Variants in PCDHA4 observed in about 807,000 individuals in gnomAD.
The protein encoded by PCDHA4 is protocadherin alpha-4.
PCDHA4 carries 49 observed loss-of-function variants against 61.4 expected under a neutral mutation model. The ratio of observed to expected loss-of-function variants is 0.80; its 90% CI spans 0.63 to 1.01. PCDHA4 has a LOEUF of 1.01. Ranked by LOEUF, PCDHA4 falls within the 50% of genes least tolerant of loss-of-function variation. PCDHA4 has a pLI of 0.00. For synonymous variants in PCDHA4, 590 were observed against 550.3 expected, an observed-to-expected ratio of 1.07 and a Z score of -1.01; for missense variants, 1,254 against 1,235.8, an observed-to-expected ratio of 1.01 and a Z score of -0.22.
chr5:140,827,997 A>G (rs1769481948), intron 1 of PCDHA4: 1 of 1,482,378 alleles, frequency 6.7e-7, no homozygotes, highest in Admixed American at 2.3e-5. Flanking sequence ...ATGATGGCGG[A>G]CGCAGAAGAA....
intron 1 of PCDHA4, among the ~76,000 whole-genome samples, chr5:140,942,264 G>T (rs868983277): frequency 5.9e-5 from 9 of 152,122 alleles, no homozygotes; most frequent in Non-Finnish European, 1.2e-4. Flanking sequence ...GATATCTAAA[G>T]CTGGTAATGG....
intron 1 of PCDHA4, chr5:140,855,849 C>T: frequency 7.5e-6 from 5 of 665,166 alleles, no homozygotes; most frequent in Non-Finnish European, 1.2e-5. Flanking sequence ...CCTAAAGCCA[C>T]CGGATGTCGC....
chr5:140,828,704 G>A (rs2150158084), intron 1 of PCDHA4: 1 of 1,614,238 alleles, frequency 6.2e-7, no homozygotes, highest in South Asian at 1.1e-5. Flanking sequence ...CAGAGAGGAA[G>A]CTCCTGCACA....
chr5:140,808,306 C>T lies in PCDHA4; in HGVS notation c.1119C>T (p.Ser373=), dbSNP rs1210807010. 13 of 1,614,136 alleles carry T rather than the reference C, an allele frequency of 8.1e-6. No individual in the cohort carries two copies. The highest frequency in any genetic ancestry group is 1.1e-5 in the South Asian group (1 of 91,096). Residue 373 remains serine, a synonymous_variant, in exon 1 of 4, where the codon AGC becomes AGT. Transcript: ENST00000530339. ...APLGTVIALI[S]VSDKDMGVNG... ...TGGGTACAGTCATCGCCCTGATCAG[C>T]GTGTCCGACAAAGACATGGGTGTCA...
chr5:140,928,252 G>A (rs1377533547), intron 1 of PCDHA4: 3 of 1,614,206 alleles, frequency 1.9e-6, no homozygotes, highest in East Asian at 2.2e-5. Flanking sequence ...GGAACTTTTC[G>A]TTGCTGAAAA....
intron 3 of PCDHA4, among the ~76,000 whole-genome samples, chr5:141,004,025 A>G (rs191768123): frequency 1.3e-5 from 2 of 152,316 alleles, no homozygotes; most frequent in Non-Finnish European, 2.9e-5. Context: ...AAGAAGAAAC[A>G]TTTCCTTGAT....
At position 140,807,762 on chromosome 5, in the gene PCDHA4, T is replaced by C. The variant is rs1764027827; in HGVS notation, c.575T>C (p.Leu192Pro). The change falls in exon 1 of 4, where the codon CTT (leucine) becomes CCT (proline). Residue 192 changes from leucine (L) to proline (P), a missense_variant. Physicochemically the swap from Leu to Pro is moderately conservative, Grantham distance 98 (BLOSUM62 -3). Coordinates refer to ENST00000530339, the MANE Select transcript of PCDHA4 (RefSeq NM_018907.4). The stretch of plus-strand genomic sequence containing the variant: ...CCTGATGACGAGCTGGTAAAAGGTC[T>C]TGGGCTTATATTACGGAAATCTTTA... ...KPPDDELVKGLGLILRKSLDR... is the reference protein window; with the variant it reads ...KPPDDELVKGPGLILRKSLDR... 1.2e-6 allele frequency: 2 copies of C among 1,614,224 alleles called. No individual in the cohort carries two copies. The highest frequency in any genetic ancestry group is 2.2e-5 in the East Asian group (1 of 44,892).
At chr5:140,898,059 G>C (rs372963837) in intron 1 of PCDHA4, among the ~76,000 whole-genome samples, 2 of 151,948 alleles carry the variant, frequency 1.3e-5, no homozygotes, top group Non-Finnish European at 1.5e-5. Flanking sequence ...TTGTAAATTT[G>C]TTTGAGTTCA....
intron 1 of PCDHA4, among the ~76,000 whole-genome samples, chr5:140,818,671 T>C (rs1766414418): frequency 1.3e-5 from 2 of 152,212 alleles, no homozygotes; most frequent in East Asian, 1.9e-4. Context: ...ACTCCATCTT[T>C]ACAAAAAATG....
At chr5:140,956,038 A>T in intron 1 of PCDHA4, among the ~76,000 whole-genome samples, 1 of 152,182 alleles carries the variant, frequency 6.6e-6, no homozygotes, top group South Asian at 2.1e-4. Flanking sequence ...CAGCTTAAGA[A>T]GCTTTTGGGC....
At chr5:140,982,617 G>T in intron 3 of PCDHA4, 54 bp downstream of exon 3, 1 of 1,591,926 alleles carries the variant, frequency 6.3e-7, no homozygotes, top group South Asian at 1.1e-5. Context: ...GTGATCAGAT[G>T]ACCTACTTTT....
intron 1 of PCDHA4, among the ~76,000 whole-genome samples, chr5:140,948,132 C>G (rs1397250622): frequency 1.3e-5 from 2 of 151,526 alleles, no homozygotes; most frequent in African/African-American, 4.8e-5. Context: ...TTGGATTACA[C>G]TAATTGATTT....
chr5:140,828,962 G>A, intron 1 of PCDHA4: 1 of 1,614,220 alleles, frequency 6.2e-7, no homozygotes, highest in Non-Finnish European at 8.5e-7. Context: ...CATGGTTATT[G>A]ACCACTTTAG....
At position 140,876,683 on chromosome 5, in the gene PCDHA4, A is replaced by G. The variant is rs782371303; in HGVS notation, c.2385+67111A>G. ...AAGCTGGTGTCCACCTACAAGAATT[A>G]CTACTCGTTGGTGCTGGACAGCGCC... On this transcript the variant is annotated intron_variant, in intron 1 of 3. Coordinates refer to ENST00000530339, the MANE Select transcript of PCDHA4 (RefSeq NM_018907.4). 5 of 1,614,094 alleles carry G rather than the reference A, an allele frequency of 3.1e-6. No homozygotes were observed. In the South Asian group the frequency reaches 5.5e-5, roughly 18 times the overall value.
intron 1 of PCDHA4, among the ~76,000 whole-genome samples, chr5:140,958,131 G>A (rs1164407997): frequency 3.9e-5 from 6 of 152,076 alleles, no homozygotes; most frequent in African/African-American, 1.4e-4. Context: ...AAATGTATCA[G>A]TGTGTATATT....
At chr5:140,834,191 T>A in intron 1 of PCDHA4, 1 of 586,888 alleles carries the variant, frequency 1.7e-6, no homozygotes, top group Non-Finnish European at 3.0e-6. Context: ...ATGATGTCGC[T>A]CTTTACCGCA....
At chr5:140,882,871 C>T in intron 1 of PCDHA4, 1 of 1,614,164 alleles carries the variant, frequency 6.2e-7, no homozygotes, top group East Asian at 2.2e-5. Flanking sequence ...AAACACTGGA[C>T]AGAGAGGAAA....
intron 1 of PCDHA4, among the ~76,000 whole-genome samples, chr5:140,940,983 C>T (rs572659107): frequency 6.6e-6 from 1 of 152,176 alleles, no homozygotes; most frequent in Non-Finnish European, 1.5e-5. Context: ...TATCTAGTTA[C>T]AAGTTTATAG....
chr5:140,966,726 C>T, intron 1 of PCDHA4: 3 of 1,402,206 alleles, frequency 2.1e-6, no homozygotes, highest in Non-Finnish European at 1.8e-6. Flanking sequence ...GAAGCTGCCG[C>T]CTCCGGCCCT....
Sources: gnomAD v4.1 joint callset for allele counts (sites outside exome capture counted in the v4.1 genomes callset) on GRCh38, gnomAD v4.1.1 for gene constraint, MANE v1.5 for transcripts, NCBI Gene and HGNC (gene_info 2026-07-23, HGNC 2026-07-21) for gene names.